UGT1A10: variants seen among roughly 807,000 people sequenced by gnomAD.
The protein encoded by UGT1A10 is UDP glucuronosyltransferase family 1 member A10.
Under a neutral mutation model 45.8 loss-of-function variants are expected in UGT1A10, and 49 were observed. That is an observed-to-expected ratio of 1.07 (90% CI 0.85 to 1.36). The LOEUF is 1.36. UGT1A10 is among the 40% of genes most tolerant of loss of function. The pLI, the probability that UGT1A10 is intolerant of heterozygous loss-of-function variation, is 0.00. For missense variants in UGT1A10, 745 were observed against 668.6 expected (o/e 1.11, Z -1.26); for synonymous variants, 284 against 249.7 (o/e 1.14, Z -1.29).
At chr2:233,765,068 C>T (rs1698740394) in intron 1 of UGT1A10, among the ~76,000 whole-genome samples, 1 of 152,072 alleles carries the variant, frequency 6.6e-6, no homozygotes. Flanking sequence ...TCAGAGGTCT[C>T]CTGTGTCTCA....
intron 1 of UGT1A10, chr2:233,741,566 A>C (rs1338597407): frequency 6.6e-6 from 1 of 151,914 alleles, no homozygotes; most frequent in Non-Finnish European, 1.5e-5. Flanking sequence ...TTGTATGAGA[A>C]TCAACTACCC....
At chr2:233,724,637 T>G (rs1254622802) in intron 1 of UGT1A10, among the ~76,000 whole-genome samples, 13 of 131,504 alleles carry the variant, frequency 9.9e-5, no homozygotes, top group African/African-American at 2.7e-4. Context: ...TTCCTAGATG[T>G]GATGGCGGCT....
intron 1 of UGT1A10, among the ~76,000 whole-genome samples, chr2:233,726,402 T>A (rs1404707610): frequency 6.6e-6 from 1 of 152,206 alleles, no homozygotes; most frequent in Non-Finnish European, 1.5e-5. Flanking sequence ...AGTCTTTTGA[T>A]GTCAGCATTC....
Position 233,769,767 on chromosome 2 carries a change from A to T in UGT1A10, c.1295+1328A>T. On this transcript the variant is annotated intron_variant, in intron 4 of 4. Transcript: ENST00000344644. The surrounding 1 kb of genome is among the most constrained non-coding windows in gnomAD (Gnocchi z 4.4). The stretch of plus-strand genomic sequence containing the variant: ...CCACTCTGGAGGCTAAGGCGGGAGG[A>T]TTGCTTGAGCCCAGAAGTTGGAGGC... The T allele has an allele frequency of 7.3e-7, 1 of 1,374,514 alleles. No individual in the cohort carries two copies. Among genetic ancestry groups the T allele is most frequent in the Non-Finnish European group, 9.5e-7 (1 of 1,054,322 alleles). The allele number at this position is 1,374,514 out of a possible 1,614,324, so 85.1% of individuals were successfully genotyped here. A position where few individuals can be genotyped will look rare whatever the true frequency, so the allele number is the denominator to read the frequency against.
intron 1 of UGT1A10, among the ~76,000 whole-genome samples, chr2:233,698,385 C>T (rs935574429): frequency 2.0e-5 from 3 of 152,082 alleles, no homozygotes; most frequent in East Asian, 1.9e-4. Context: ...TTCACTTTAG[C>T]GTGGTGAATT....
chr2:233,718,143 A>G (rs1479667470), intron 1 of UGT1A10: 3 of 227,078 alleles, frequency 1.3e-5, no homozygotes, highest in Non-Finnish European at 2.8e-5. Flanking sequence ...AGAATCCTCA[A>G]TAAAGCCTTC....
At chr2:233,761,005 A>G (rs1292729265) in intron 1 of UGT1A10, 1 of 1,614,128 alleles carries the variant, frequency 6.2e-7, no homozygotes, top group South Asian at 1.1e-5. Context: ...ATTCCTTCAG[A>G]GAGAGGTGAC....
At chr2:233,701,614 C>A (rs1194546253) in intron 1 of UGT1A10, among the ~76,000 whole-genome samples, 1 of 152,080 alleles carries the variant, frequency 6.6e-6, no homozygotes, top group Non-Finnish European at 1.5e-5. Context: ...CCTCAGCAAA[C>A]GTAAAAGAAC....
At chr2:233,756,792 A>G (rs1306951497) in intron 1 of UGT1A10, among the ~76,000 whole-genome samples, 1 of 152,054 alleles carries the variant, frequency 6.6e-6, no homozygotes, top group Non-Finnish European at 1.5e-5. Context: ...TTGTGGGGCA[A>G]TACACTAGTA....
chr2:233,728,830 A>G (rs2077754446), intron 1 of UGT1A10, among the ~76,000 whole-genome samples: 1 of 152,224 alleles, frequency 6.6e-6, no homozygotes. Context: ...GGGTGTTCAC[A>G]GCCTTGTGTT....
chr2:233,689,857 C>T (rs943551685), intron 1 of UGT1A10: 16 of 455,944 alleles, frequency 3.5e-5, no homozygotes, highest in Admixed American at 2.4e-4. Context: ...TTTTAGGCTA[C>T]TATTACCTTC....
At chr2:233,742,468 T>C (rs1293032566) in intron 1 of UGT1A10, among the ~76,000 whole-genome samples, 1 of 151,930 alleles carries the variant, frequency 6.6e-6, no homozygotes, top group East Asian at 1.9e-4. Flanking sequence ...CTTATTCCAG[T>C]AAACTCACAA....
chr2:233,681,598 G>A (rs567691515), intron 1 of UGT1A10, among the ~76,000 whole-genome samples: 46 of 148,238 alleles, frequency 3.1e-4, no homozygotes, highest in African/African-American at 7.9e-4. Context: ...TATTAGCTTC[G>A]TTCAAATTTA....
At chr2:233,672,438 C>A in intron 1 of UGT1A10, 1 of 1,613,930 alleles carries the variant, frequency 6.2e-7, no homozygotes, top group Non-Finnish European at 8.5e-7. Flanking sequence ...CCGTGGTCTT[C>A]GCCAGGGGAA....
chr2:233,693,756 C>G, intron 1 of UGT1A10: 1 of 1,614,248 alleles, frequency 6.2e-7, no homozygotes, highest in Non-Finnish European at 8.5e-7. Flanking sequence ...CAGAAGGTCT[C>G]TGTTTGGCTG....
chr2:233,656,923 C>CT (rs961609429), intron 1 of UGT1A10, among the ~76,000 whole-genome samples: 6,970 of 146,598 alleles, frequency 0.048, 492 homozygotes, highest in African/African-American at 0.16. Context: ...AGTTAAACAT[C>CT]TTTTTTTTTT....
intron 1 of UGT1A10, chr2:233,693,477 T>A (rs1474224090): frequency 6.2e-7 from 1 of 1,614,186 alleles, no homozygotes; most frequent in Non-Finnish European, 8.5e-7. Flanking sequence ...TGTGGGGTGA[T>A]CCTGGCTGAG....
chr2:233,680,233 GT>G (rs2074479703), intron 1 of UGT1A10, among the ~76,000 whole-genome samples: 2 of 152,018 alleles, frequency 1.3e-5, no homozygotes, highest in African/African-American at 2.4e-5. Context: ...GGTATTCAAG[GT>G]TTAAAAAATT....
At chr2:233,735,705 G>A (rs1237070783) in intron 1 of UGT1A10, among the ~76,000 whole-genome samples, 2 of 151,900 alleles carry the variant, frequency 1.3e-5, no homozygotes, top group African/African-American at 2.4e-5. Flanking sequence ...GGCAGGCCTG[G>A]TGGTGACAAA....
Sources: gnomAD v4.1 joint callset for allele counts (sites outside exome capture counted in the v4.1 genomes callset) on GRCh38, gnomAD v4.1.1 for gene constraint, Gnocchi (gnomAD v3.1) non-coding constraint, MANE v1.5 for transcripts, NCBI Gene and HGNC (gene_info 2026-07-23, HGNC 2026-07-21) for gene names.